Variants in SLCO1B1 observed in about 807,000 individuals in gnomAD.
SLCO1B1 encodes OATP-2.
SLCO1B1 carries 81 observed loss-of-function variants against 70.1 expected under a neutral mutation model. That is an observed-to-expected ratio of 1.16 (90% CI 0.97 to 1.39). The LOEUF (loss-of-function observed/expected upper bound fraction) is 1.39, where lower values mean the gene tolerates loss of function less well. SLCO1B1 is among the 40% of genes most tolerant of loss of function. SLCO1B1 has a pLI of 0.00. For synonymous variants in SLCO1B1, 283 were observed against 271.5 expected (o/e 1.04, Z -0.42); for missense variants, 895 against 799.6 (o/e 1.12, Z -1.44).
At chr12:21,179,550 A>T (rs1940867596) in intron 7 of SLCO1B1, among the ~76,000 whole-genome samples, 1 of 152,182 alleles carries the variant, frequency 6.6e-6, no homozygotes, top group Non-Finnish European at 1.5e-5. Flanking sequence ...CACATAAATA[A>T]AATCTATGAT....
chr12:21,166,714 G>A (rs1940691460), intron 2 of SLCO1B1, among the ~76,000 whole-genome samples: 1 of 152,154 alleles, frequency 6.6e-6, no homozygotes, highest in Non-Finnish European at 1.5e-5. Flanking sequence ...AGCCACTTTG[G>A]AAAATATTCT....
intron 11 of SLCO1B1, among the ~76,000 whole-genome samples, chr12:21,210,009 T>C (rs1242936996): frequency 6.6e-6 from 1 of 151,238 alleles, no homozygotes; most frequent in Non-Finnish European, 1.5e-5. Context: ...TTTTGTAGGT[T>C]GCCTGTTCAC....
chr12:21,140,103 C>G (rs1424781269), intron 1 of SLCO1B1, among the ~76,000 whole-genome samples: 1 of 152,026 alleles, frequency 6.6e-6, no homozygotes, highest in African/African-American at 2.4e-5. Context: ...AATATTGTGA[C>G]CAGAGGCAGA....
At chr12:21,210,661 T>C (rs1941272023) in intron 11 of SLCO1B1, among the ~76,000 whole-genome samples, 1 of 150,014 alleles carries the variant, frequency 6.7e-6, no homozygotes, top group African/African-American at 2.5e-5. Context: ...AGTATGGCCA[T>C]TTTCACGATA....
intron 7 of SLCO1B1, among the ~76,000 whole-genome samples, chr12:21,180,994 A>G (rs1400688383): frequency 6.6e-6 from 1 of 152,192 alleles, no homozygotes; most frequent in African/African-American, 2.4e-5. Context: ...TCCAATGCCT[A>G]AAGGAGCTGA....
intron 12 of SLCO1B1, among the ~76,000 whole-genome samples, chr12:21,220,630 G>T (rs1941412182): frequency 6.6e-6 from 1 of 151,914 alleles, no homozygotes; most frequent in Non-Finnish European, 1.5e-5. Flanking sequence ...AACTGAGGAG[G>T]TTTCATGAGA....
chr12:21,146,175 G>T (rs1315201357), intron 2 of SLCO1B1, among the ~76,000 whole-genome samples: 1 of 152,024 alleles, frequency 6.6e-6, no homozygotes, highest in East Asian at 1.9e-4. Flanking sequence ...ACAAAATTGG[G>T]TAGATCGTGT....
At chr12:21,209,230 C>G (rs1941250917) in intron 11 of SLCO1B1, among the ~76,000 whole-genome samples, 1 of 151,686 alleles carries the variant, frequency 6.6e-6, no homozygotes, top group African/African-American at 2.4e-5. Context: ...CACAACAGTC[C>G]CCAGAGTGTG....
At chr12:21,230,059 GT>G (rs1941518087) in intron 14 of SLCO1B1, among the ~76,000 whole-genome samples, 1 of 152,072 alleles carries the variant, frequency 6.6e-6, no homozygotes, top group Non-Finnish European at 1.5e-5. Context: ...TTTAATGGGA[GT>G]TTTTATTATA....
chr12:21,159,469 G>T (rs984437003), intron 2 of SLCO1B1, among the ~76,000 whole-genome samples: 6 of 152,042 alleles, frequency 3.9e-5, no homozygotes, highest in East Asian at 1.9e-4. Flanking sequence ...ATAAAAAATG[G>T]CAAATGATAA....
intron 7 of SLCO1B1, among the ~76,000 whole-genome samples, chr12:21,184,285 A>G (rs1210273734): frequency 2.0e-5 from 3 of 152,190 alleles, no homozygotes; most frequent in African/African-American, 7.2e-5. Context: ...GACAATCCCC[A>G]AGGCATCTAC....
chr12:21,141,791 C>A, intron 2 of SLCO1B1, 133 bp downstream of exon 2: 1 of 570,562 alleles, frequency 1.8e-6, no homozygotes, highest in South Asian at 2.1e-5. Flanking sequence ...GAAATATTAA[C>A]ATAATGATTC....
At chr12:21,236,666 A>G (rs912149010) in intron 14 of SLCO1B1, among the ~76,000 whole-genome samples, 2 of 152,168 alleles carry the variant, frequency 1.3e-5, no homozygotes, top group African/African-American at 4.8e-5. Context: ...CTGGGGGTTG[A>G]TTATTACCAG....
rs144719732 is a variant in SLCO1B1, at chr12:21,163,032, G to C, written c.85-9618G>C. Among the ~76,000 whole-genome samples, 58 of 152,088 alleles carry C rather than the reference G, an allele frequency of 3.8e-4. 1 individual carries two copies. The highest frequency in any genetic ancestry group is 1.3e-3 in the African/African-American group (55 of 41,514). On this transcript the variant is annotated intron_variant, in intron 2 of 14. Coordinates refer to ENST00000256958, the MANE Select transcript of SLCO1B1 (RefSeq NM_006446.5). ...TGTATTTCTCATTAGTGCTTTTTGT[G>C]AATAAATTAACTAGGAAAATTAGAA...
chr12:21,161,166 C>A (rs1940613669), intron 2 of SLCO1B1, among the ~76,000 whole-genome samples: 2 of 152,114 alleles, frequency 1.3e-5, no homozygotes, highest in Admixed American at 1.3e-4. Context: ...TGTGTATATA[C>A]ACCCAGAGGA....
intron 4 of SLCO1B1, 123 bp from the exon 5 acceptor site, chr12:21,176,653 A>G (rs1209264673): frequency 1.3e-6 from 1 of 754,458 alleles, no homozygotes; most frequent in Non-Finnish European, 2.3e-6. Context: ...ATTGACAGAA[A>G]GTACTCTGGT....
rs4149102 is a variant in SLCO1B1, at chr12:21,222,372, G to GAAA, written c.1747+32_1747+34dup. The GAAA allele has an allele frequency of 2.3e-3, 58 of 24,940 alleles. 15 individuals carry two copies. The highest frequency in any genetic ancestry group is 0.012 in the African/African-American group (39 of 3,254). 1.5% of individuals were successfully genotyped at this position (24,940 alleles called of 1,614,324 possible). On this transcript the variant is annotated intron_variant, in intron 13 of 14. Transcript: ENST00000256958. ...TGGTTATACGAGCACTAGGTATGAT[G>GAAA]AAAAAAAAAAAAAAAAAAAAAAAAA...
intron 7 of SLCO1B1, among the ~76,000 whole-genome samples, chr12:21,185,811 G>A (rs2121120506): frequency 6.6e-6 from 1 of 151,940 alleles, no homozygotes; most frequent in East Asian, 1.9e-4. Context: ...AATACAAAAA[G>A]ATTAATAGAC....
chr12:21,232,197 C>G (rs1183753880), intron 14 of SLCO1B1, among the ~76,000 whole-genome samples: 24 of 152,172 alleles, frequency 1.6e-4, no homozygotes, highest in Admixed American at 1.6e-3. Context: ...CCCAGGCCAC[C>G]ATTGTGAAAA....
Sources: allele counts gnomAD v4.1 joint callset (sites outside exome capture counted in the v4.1 genomes callset), GRCh38; gene constraint gnomAD v4.1.1; transcripts MANE v1.5; gene names NCBI Gene and HGNC (gene_info 2026-07-23, HGNC 2026-07-21).